Variants in LRMDA observed in about 807,000 individuals in gnomAD.
LRMDA encodes the protein leucine rich melanocyte differentiation associated.
A neutral mutation model predicts 29.8 loss-of-function variants in LRMDA; 18 were observed. The observed-to-expected ratio is 0.60, with a 90% CI of 0.42 to 0.90. The LOEUF is 0.90. Ranked by LOEUF, LRMDA falls within the 40% of genes least tolerant of loss-of-function variation. The probability of loss-of-function intolerance (pLI) is 0.00; values close to 1 mark genes in which losing one functional copy is unlikely to be tolerated. For missense variants in LRMDA, 273 were observed against 273.9 expected, an observed-to-expected ratio of 1.00 and a Z score of 0.02; for synonymous variants, 125 against 109.4, an observed-to-expected ratio of 1.14 and a Z score of -0.89.
chr10:76,111,099 T>C (rs1353418170), intron 5 of LRMDA, among the ~76,000 whole-genome samples: 1 of 152,190 alleles, frequency 6.6e-6, no homozygotes, highest in Non-Finnish European at 1.5e-5. Context: ...ACTTTGTCCT[T>C]CTCATCCTCC....
intron 2 of LRMDA, among the ~76,000 whole-genome samples, chr10:75,600,112 A>G (rs1840862775): frequency 6.6e-6 from 1 of 152,196 alleles, no homozygotes; most frequent in African/African-American, 2.4e-5. Context: ...TAGGTCTGCC[A>G]GTGTCTTTTC....
chr10:76,352,600 T>C (rs1441461591), intron 6 of LRMDA, among the ~76,000 whole-genome samples: 1 of 152,128 alleles, frequency 6.6e-6, no homozygotes, highest in Non-Finnish European at 1.5e-5. Flanking sequence ...GGATTGTTGA[T>C]TTCTGGAATT....
chr10:76,139,541 T>C (rs1850161018), intron 5 of LRMDA, among the ~76,000 whole-genome samples: 2 of 152,200 alleles, frequency 1.3e-5, no homozygotes, highest in Admixed American at 1.3e-4. Flanking sequence ...TTGTCAATCA[T>C]TTCCAAGGCA....
chr10:75,489,886 A>C (rs1164273355), intron 2 of LRMDA, among the ~76,000 whole-genome samples: 2 of 152,198 alleles, frequency 1.3e-5, no homozygotes, highest in Non-Finnish European at 2.9e-5. Context: ...GAATAATGGC[A>C]ATATTTATTA....
At chr10:75,955,521 A>G (rs1846649114) in intron 2 of LRMDA, among the ~76,000 whole-genome samples, 1 of 152,194 alleles carries the variant, frequency 6.6e-6, no homozygotes, top group South Asian at 2.1e-4. Flanking sequence ...CTGCTGTCAC[A>G]GAAAGAACAC....
intron 2 of LRMDA, among the ~76,000 whole-genome samples, chr10:75,473,659 C>T (rs1418562117): frequency 6.6e-6 from 1 of 152,236 alleles, no homozygotes; most frequent in African/African-American, 2.4e-5. Flanking sequence ...AACTCCTTAA[C>T]ATTTCTGTGG....
chr10:76,372,201 C>G (rs1841462487), intron 6 of LRMDA, among the ~76,000 whole-genome samples: 1 of 152,136 alleles, frequency 6.6e-6, no homozygotes, highest in South Asian at 2.1e-4. Flanking sequence ...GGGCACCTAC[C>G]AAGCCATCTG....
At position 75,468,486 on chromosome 10, in the gene LRMDA, G is replaced by C. The variant is rs1844685539; in HGVS notation, c.131+29992G>C. Among the ~76,000 whole-genome samples, 3 of 152,012 alleles carry C rather than the reference G, an allele frequency of 2.0e-5. No individual in the cohort carries two copies. The South Asian group carries it at 6.2e-4, about 32-fold the overall frequency. On this transcript the variant is annotated intron_variant, in intron 2 of 6. Transcript: ENST00000611255. ...AAGATTTGCCTTAAGAGATACCCAG[G>C]GTGATGAAACAAACACCTCAGCAGT...
chr10:75,744,296 A>C (rs1271560226), intron 2 of LRMDA, among the ~76,000 whole-genome samples: 1 of 152,228 alleles, frequency 6.6e-6, no homozygotes, highest in African/African-American at 2.4e-5. Flanking sequence ...ACATCTGTTC[A>C]TATATCCTCC....
chr10:76,332,207 G>A lies in LRMDA; in HGVS notation c.601+7722G>A, dbSNP rs552929334. On this transcript the variant is annotated intron_variant, in intron 6 of 6. Transcript: ENST00000611255. ...ATGTGTGCACTCGCTGTCTGCGAGG[G>A]TGGCAGTGATGGAAGAGCAAGCCAA... Among the ~76,000 whole-genome samples, 67 of 152,358 alleles carry A rather than the reference G, an allele frequency of 4.4e-4. 1 individual carries two copies. Among genetic ancestry groups the A allele is most frequent in the South Asian group, 2.7e-3 (13 of 4,830 alleles).
At chr10:76,106,760 C>T (rs1390341445) in intron 5 of LRMDA, among the ~76,000 whole-genome samples, 1 of 152,222 alleles carries the variant, frequency 6.6e-6, no homozygotes. Flanking sequence ...GTCTCTATTA[C>T]ATCTTCTGGA....
At position 75,737,683 on chromosome 10, in the gene LRMDA, C is replaced by G. The variant is rs550309927; in HGVS notation, c.132-298325C>G. Reference sequence around the variant, plus strand: ...TGCCTCCCTCCTTTTAATCTTAACTCAGCCTAAGTTGGCTAGCTGTTCTTC... The same window carrying G: ...TGCCTCCCTCCTTTTAATCTTAACTGAGCCTAAGTTGGCTAGCTGTTCTTC... On this transcript the variant is annotated intron_variant, in intron 2 of 6. Coordinates refer to ENST00000611255, the MANE Select transcript of LRMDA (RefSeq NM_001305581.2). 2.0e-5 allele frequency among the ~76,000 whole-genome samples: 3 copies of G among 152,328 alleles called. No individual in the cohort carries two copies. The South Asian group carries it at 6.2e-4, about 32-fold the overall frequency.
chr10:76,276,961 C>T (rs895365837), intron 5 of LRMDA, among the ~76,000 whole-genome samples: 9 of 152,098 alleles, frequency 5.9e-5, no homozygotes, highest in South Asian at 2.1e-4. Flanking sequence ...ATCCTCATTC[C>T]GTTCTCAGAG....
intron 2 of LRMDA, among the ~76,000 whole-genome samples, chr10:75,443,721 T>C (rs1844357739): frequency 6.6e-6 from 1 of 152,210 alleles, no homozygotes; most frequent in African/African-American, 2.4e-5. Context: ...TTTGAAAGTG[T>C]TCCCTACTCT....
At chr10:75,752,747 C>G (rs1468472191) in intron 2 of LRMDA, among the ~76,000 whole-genome samples, 3 of 152,160 alleles carry the variant, frequency 2.0e-5, no homozygotes, top group African/African-American at 7.2e-5. Flanking sequence ...GGTTGACACT[C>G]TAGGATCACA....
intron 2 of LRMDA, among the ~76,000 whole-genome samples, chr10:75,852,944 A>C (rs781296138): frequency 6.6e-6 from 1 of 152,204 alleles, no homozygotes; most frequent in Non-Finnish European, 1.5e-5. Flanking sequence ...CAATCATGTC[A>C]AAAGGGGAAC....
In LRMDA at chr10:75,438,457, T is replaced by C; in HGVS notation, c.94T>C (p.Phe32Leu). ...PEHLGRDCGHFAKRLDLSFNL... is the reference protein window; with the variant it reads ...PEHLGRDCGHLAKRLDLSFNL... ...GCACCTTGGCAGGGACTGTGGACATTTCGCAAAGAGGCTTGATCTGAGCTT... is the reference window on the plus strand; with the variant it reads ...GCACCTTGGCAGGGACTGTGGACATCTCGCAAAGAGGCTTGATCTGAGCTT... The change falls in exon 2 of 7, where the codon TTC (phenylalanine) becomes CTC (leucine). Residue 32 changes from phenylalanine to leucine, a missense_variant. By Grantham distance (22) the Phe-to-Leu change is conservative. Coordinates refer to ENST00000611255, the MANE Select transcript of LRMDA (RefSeq NM_001305581.2). 6.4e-7 allele frequency: 1 copy of C among 1,550,920 alleles called. No individual in the cohort carries two copies. Among genetic ancestry groups the C allele is most frequent in the South Asian group, 1.2e-5 (1 of 84,062 alleles).
chr10:75,917,965 A>ATG (rs1845962988), intron 2 of LRMDA, among the ~76,000 whole-genome samples: 5 of 143,066 alleles, frequency 3.5e-5, no homozygotes, highest in African/African-American at 1.4e-4. Flanking sequence ...ATGTGCGCAC[A>ATG]CACACACACA....
intron 2 of LRMDA, among the ~76,000 whole-genome samples, chr10:75,740,692 T>C (rs189979698): frequency 6.6e-6 from 1 of 152,298 alleles, no homozygotes; most frequent in East Asian, 1.9e-4. Flanking sequence ...GCATTTCAGC[T>C]AAGAATCCCA....
Sources: allele counts gnomAD v4.1 joint callset (sites outside exome capture counted in the v4.1 genomes callset), GRCh38; gene constraint gnomAD v4.1.1; transcripts MANE v1.5; gene names NCBI Gene and HGNC (gene_info 2026-07-23, HGNC 2026-07-21).